The following ZDHHC11B variants were observed in gnomAD, a reference collection of about 807,000 sequenced individuals.
ZDHHC11B encodes the protein zDHHC palmitoyltransferase 11B (putative).
Under a neutral mutation model 42.3 loss-of-function variants are expected in ZDHHC11B, and 17 were observed. The observed-to-expected ratio is 0.40, with a 90% CI of 0.27 to 0.60. The LOEUF is 0.60. Ranked by LOEUF, ZDHHC11B falls within the 20% of genes least tolerant of loss-of-function variation. The probability of loss-of-function intolerance (pLI) is 0.41; values close to 1 mark genes in which losing one functional copy is unlikely to be tolerated. For synonymous variants in ZDHHC11B, 123 were observed against 193.5 expected (o/e 0.64, Z 3.02); for missense variants, 262 against 463.2 (o/e 0.57, Z 3.99).
chr5:735,638 T>C (rs2127017474), intron 10 of ZDHHC11B, among the ~76,000 whole-genome samples: 1 of 138,300 alleles, frequency 7.2e-6, no homozygotes. Context: ...CTCTACACAC[T>C]AGAAGGGATT....
At chr5:719,537 A>C (rs541941076) in intron 12 of ZDHHC11B, among the ~76,000 whole-genome samples, 1 of 151,434 alleles carries the variant, frequency 6.6e-6, no homozygotes, top group East Asian at 1.9e-4. Context: ...TGAAATAAAA[A>C]GTTCATTAGA....
At chr5:723,668 G>A (rs1742354439) in intron 12 of ZDHHC11B, among the ~76,000 whole-genome samples, 2 of 109,626 alleles carry the variant, frequency 1.8e-5, no homozygotes, top group African/African-American at 6.1e-5. Flanking sequence ...GGGTCTGGGG[G>A]TGCAGGCCAG....
chr5:774,455 C>T (rs1490717801), intron 1 of ZDHHC11B, among the ~76,000 whole-genome samples: 1 of 150,780 alleles, frequency 6.6e-6, no homozygotes, highest in East Asian at 2.0e-4. Context: ...GACCAGGGGC[C>T]TGTCAGTCAC....
chr5:721,399 T>A (rs1742175683), intron 12 of ZDHHC11B, among the ~76,000 whole-genome samples: 1 of 151,660 alleles, frequency 6.6e-6, no homozygotes, highest in Non-Finnish European at 1.5e-5. Context: ...TAGATTGAAC[T>A]TTTTAATTAA....
At chr5:745,385 T>A (rs1363462640) in intron 8 of ZDHHC11B, 87 bp from the exon 9 acceptor site, 1 of 1,245,142 alleles carries the variant, frequency 8.0e-7, no homozygotes, top group African/African-American at 1.4e-5. Flanking sequence ...GGGTGGCCAG[T>A]GCCACTGATC....
chr5:776,573 GCT>G (rs1457427366), intron 1 of ZDHHC11B, among the ~76,000 whole-genome samples: 1 of 151,782 alleles, frequency 6.6e-6, no homozygotes, highest in Non-Finnish European at 1.5e-5. Flanking sequence ...AGCCTGGACA[GCT>G]CTCAGCTCGA....
chr5:723,525 C>T (rs1404748107), intron 12 of ZDHHC11B, among the ~76,000 whole-genome samples: 1 of 115,692 alleles, frequency 8.6e-6, no homozygotes, highest in Non-Finnish European at 2.1e-5. Flanking sequence ...TTTCTGATCA[C>T]TCTGCTAAGA....
At chr5:774,320 G>A (rs1237035354) in intron 1 of ZDHHC11B, among the ~76,000 whole-genome samples, 5 of 152,114 alleles carry the variant, frequency 3.3e-5, no homozygotes, top group Admixed American at 3.3e-4. Context: ...TGATCACAGA[G>A]CTGTCCAGGG....
Position 711,460 on chromosome 5 carries a change from GTA to G in ZDHHC11B, c.*828_*829del, listed in dbSNP as rs1741366488. 1 of 150,122 alleles carries G rather than the reference GTA, an allele frequency of 6.7e-6. No homozygotes were observed. 9.3% of individuals were successfully genotyped at this position (150,122 alleles called of 1,614,324 possible). On this transcript the variant is annotated 3_prime_UTR_variant, in exon 14 of 14. Transcript: ENST00000508859. The stretch of plus-strand genomic sequence containing the variant: ...TACTGTGCTCCCATTTCCCAGTGCT[GTA>G]TACTCCTATTTCCCAGTGCCATGTG...
chr5:758,866 C>G (rs371622998), intron 4 of ZDHHC11B, among the ~76,000 whole-genome samples: 1 of 152,036 alleles, frequency 6.6e-6, no homozygotes, highest in African/African-American at 2.4e-5. Flanking sequence ...CTGGGACATC[C>G]GTCACCCATA....
chr5:726,376 C>T (rs879548794), intron 12 of ZDHHC11B, among the ~76,000 whole-genome samples: 10 of 149,578 alleles, frequency 6.7e-5, no homozygotes, highest in Non-Finnish European at 1.2e-4. Flanking sequence ...ACCCTGGAAG[C>T]ATATTCTGTG....
At chr5:744,864 C>T (rs1234877969) in intron 9 of ZDHHC11B, among the ~76,000 whole-genome samples, 1 of 147,238 alleles carries the variant, frequency 6.8e-6, no homozygotes, top group Non-Finnish European at 1.5e-5. Context: ...GAGCGAGACT[C>T]TGTCTCAAAA....
At chr5:720,210 G>A (rs1218935962) in intron 12 of ZDHHC11B, among the ~76,000 whole-genome samples, 9 of 151,738 alleles carry the variant, frequency 5.9e-5, no homozygotes, top group African/African-American at 1.7e-4. Flanking sequence ...AAAGATCTAC[G>A]CTAAGACACA....
rs405345 is a variant in ZDHHC11B, at chr5:746,002, C to T, written c.785-704G>A. Among the ~76,000 whole-genome samples the T allele has an allele frequency of 9.1e-4, 136 of 149,976 alleles. 8 individuals are homozygous for T. Among genetic ancestry groups the T allele is most frequent in the Middle Eastern group, 3.4e-3 (1 of 292 alleles). On this transcript the variant is annotated intron_variant, in intron 8 of 13. Coordinates refer to ENST00000508859, the MANE Select transcript of ZDHHC11B (RefSeq NM_001351303.2). ...GTGCCCACAGGACAGCTCAGCAGGC[C>T]GGCCAGAGCCCTATCCACCTGGCCT... is the stretch of plus-strand genomic sequence containing the variant.
chr5:712,798 A>G (rs1188981329), intron 13 of ZDHHC11B, among the ~76,000 whole-genome samples: 2 of 151,874 alleles, frequency 1.3e-5, no homozygotes, highest in African/African-American at 4.8e-5. Flanking sequence ...AGGCCCAGCT[A>G]CATGGGAGGC....
chr5:775,880 C>T (rs1376902155), intron 1 of ZDHHC11B, among the ~76,000 whole-genome samples: 3 of 148,668 alleles, frequency 2.0e-5, no homozygotes, highest in African/African-American at 5.0e-5. Flanking sequence ...GGGTGGGGGC[C>T]GAGGCGCTCA....
chr5:756,246 C>T (rs573111713), intron 4 of ZDHHC11B, 102 bp from the exon 5 acceptor site: 1 of 1,507,198 alleles, frequency 6.6e-7, no homozygotes, highest in African/African-American at 1.4e-5. Context: ...ACTGGTCAGC[C>T]CTGCTCACCC....
intron 8 of ZDHHC11B, chr5:747,885 C>T (rs1325704198): frequency 8.4e-6 from 2 of 236,848 alleles, no homozygotes; most frequent in African/African-American, 4.4e-5. Flanking sequence ...GGAGTTTACC[C>T]TCCGTCGTTC....
intron 1 of ZDHHC11B, among the ~76,000 whole-genome samples, chr5:775,260 A>C (rs1736378823): frequency 6.6e-6 from 1 of 151,928 alleles, no homozygotes; most frequent in Admixed American, 6.6e-5. Flanking sequence ...CAGCTTCTCC[A>C]GCTGCACCCG....
Sources: allele counts gnomAD v4.1 joint callset (sites outside exome capture counted in the v4.1 genomes callset), GRCh38; gene constraint gnomAD v4.1.1; transcripts MANE v1.5; gene names NCBI Gene and HGNC (gene_info 2026-07-23, HGNC 2026-07-21).